ZNF367: variants seen among roughly 807,000 people sequenced by gnomAD.
The protein encoded by ZNF367 is C2H2 zinc finger protein ZFF29.
Under a neutral mutation model 31.8 loss-of-function variants are expected in ZNF367, and 11 were observed. The observed-to-expected ratio is 0.35, with a 90% CI of 0.22 to 0.57. The LOEUF (loss-of-function observed/expected upper bound fraction) is 0.57. Among genes scored for constraint, ZNF367 ranks in the 20% least tolerant of loss-of-function variants. The pLI is 0.85. For synonymous variants in ZNF367, 199 were observed against 202.4 expected (o/e 0.98, Z 0.14); for missense variants, 353 against 484.1 (o/e 0.73, Z 2.54).
Position 96,418,236 on chromosome 9 carries a change from G to A in ZNF367, c.-204C>T, listed in dbSNP as rs1244508727. 2.8e-6 allele frequency: 2 copies of A among 714,658 alleles called. No individual in the cohort carries two copies. Among genetic ancestry groups the A allele is most frequent in the African/African-American group, 3.7e-5 (2 of 54,568 alleles). 44.3% of individuals were successfully genotyped at this position (714,658 alleles called of 1,614,324 possible). ...GGGCTGGACCCCAGCCCCAGGTCAA[G>A]CGCGCCCTCCGCTCTTTGTACTCCG... On this transcript the variant is annotated 5_prime_UTR_variant, in exon 1 of 5. Transcript: ENST00000375256.
chr9:96,417,862 G>T lies in ZNF367; in HGVS notation c.171C>A (p.Ile57=). Residue 57 remains isoleucine, a synonymous_variant, in exon 1 of 5, where the codon ATC becomes ATA. Transcript: ENST00000375256. This position sits in a 1 kb window ranked among gnomAD's most constrained non-coding sequence, Gnocchi z 5.0. ...AGTCGCTGAAGCCGGGGCTGGTGGG[G>T]ATGAGCGGCGGCGGCGGCTCCGGCT... is the stretch of plus-strand genomic sequence containing the variant. ...GGEPEPPPPL[I]PTSPGFSDFM... The T allele has an allele frequency of 6.6e-7, 1 of 1,519,412 alleles. No homozygotes were observed. Among genetic ancestry groups the T allele is most frequent in the Non-Finnish European group, 8.8e-7 (1 of 1,142,236 alleles). 94.1% of individuals were successfully genotyped at this position (1,519,412 alleles called of 1,614,324 possible).
chr9:96,389,768 C>G (rs2131069579), intron 4 of ZNF367, among the ~76,000 whole-genome samples: 1 of 152,110 alleles, frequency 6.6e-6, no homozygotes, highest in Admixed American at 6.6e-5. Flanking sequence ...CTCACTTTGT[C>G]ACCCAGGCTG....
intron 2 of ZNF367, among the ~76,000 whole-genome samples, chr9:96,397,295 G>A (rs574877023): frequency 4.6e-5 from 7 of 151,412 alleles, no homozygotes; most frequent in East Asian, 3.9e-4. Context: ...ACTTTATAGC[G>A]AGAACAAGGG....
chr9:96,391,680 C>T (rs1039166424), intron 4 of ZNF367, among the ~76,000 whole-genome samples: 3 of 152,192 alleles, frequency 2.0e-5, no homozygotes, highest in Non-Finnish European at 2.9e-5. Context: ...TTTATACTGG[C>T]CCCCTTGTTG....
At chr9:96,411,274 G>A (rs1244923415) in intron 1 of ZNF367, among the ~76,000 whole-genome samples, 4 of 151,958 alleles carry the variant, frequency 2.6e-5, no homozygotes, top group African/African-American at 4.8e-5. Flanking sequence ...AAGGCTGGGC[G>A]CCGTGGCTCA....
chr9:96,417,582 TCCCG>T lies in ZNF367; in HGVS notation c.420+27_420+30del, dbSNP rs746476113. 1.2e-3 allele frequency: 495 copies of T among 415,946 alleles called. No homozygotes were observed. Among genetic ancestry groups the T allele is most frequent in the African/African-American group, 2.3e-3 (110 of 47,754 alleles). The allele number at this position is 415,946 out of a possible 1,614,324, so 25.8% of individuals were successfully genotyped here. On this transcript the variant is annotated intron_variant, in intron 1 of 4. Transcript: ENST00000375256. The surrounding 1 kb of genome is among the most constrained non-coding windows in gnomAD (Gnocchi z 5.0). ...GTTAACGGGCCCCGGCTGCCCCACG[TCCCG>T]CCCGCCCGCCCGCCCGCGCCGCTCA...
At chr9:96,404,226 C>T (rs569644843) in intron 1 of ZNF367, among the ~76,000 whole-genome samples, 39 of 148,808 alleles carry the variant, frequency 2.6e-4, no homozygotes, top group African/African-American at 9.3e-4. Context: ...TTTGGGAGGC[C>T]GAGGCGGGCG....
At chr9:96,391,194 G>A (rs1831468490) in intron 4 of ZNF367, among the ~76,000 whole-genome samples, 1 of 152,162 alleles carries the variant, frequency 6.6e-6, no homozygotes, top group South Asian at 2.1e-4. Context: ...AGCTCTGCTA[G>A]GCCCTAGGCT....
intron 2 of ZNF367, among the ~76,000 whole-genome samples, chr9:96,396,749 C>T (rs985814109): frequency 6.6e-6 from 1 of 151,714 alleles, no homozygotes; most frequent in Non-Finnish European, 1.5e-5. Context: ...CTCACCGCAA[C>T]CTCCACCTCC....
At chr9:96,389,709 C>A (rs1831447344) in intron 4 of ZNF367, among the ~76,000 whole-genome samples, 1 of 151,950 alleles carries the variant, frequency 6.6e-6, no homozygotes, top group South Asian at 2.1e-4. Flanking sequence ...TACTTATATA[C>A]CAACAAAGCT....
intron 4 of ZNF367, among the ~76,000 whole-genome samples, chr9:96,389,314 AAAG>A (rs1336461656): frequency 1.3e-5 from 2 of 151,964 alleles, no homozygotes; most frequent in Non-Finnish European, 2.9e-5. Flanking sequence ...AAAAAAAAAA[AAAG>A]AAAAATGCAT....
At chr9:96,400,656 G>A (rs1831591414) in intron 1 of ZNF367, among the ~76,000 whole-genome samples, 2 of 151,830 alleles carry the variant, frequency 1.3e-5, no homozygotes, top group South Asian at 2.1e-4. Flanking sequence ...CTGAAGAACA[G>A]AAAGAAAAAA....
At chr9:96,400,081 G>A (rs1831582903) in intron 1 of ZNF367, among the ~76,000 whole-genome samples, 1 of 152,058 alleles carries the variant, frequency 6.6e-6, no homozygotes, top group Non-Finnish European at 1.5e-5. Flanking sequence ...ATACACAGGA[G>A]AAATTAACAC....
chr9:96,395,026 AG>A, intron 2 of ZNF367, 84 bp from the exon 3 acceptor site: 1 of 1,451,618 alleles, frequency 6.9e-7, no homozygotes, highest in Non-Finnish European at 9.5e-7. Context: ...GCCTTTATAT[AG>A]GTCATGACTC....
chr9:96,406,875 G>A (rs557782791), intron 1 of ZNF367, among the ~76,000 whole-genome samples: 9 of 151,730 alleles, frequency 5.9e-5, no homozygotes, highest in African/African-American at 1.9e-4. Flanking sequence ...GGTGGGGGGC[G>A]CCTGTAGTCC....
intron 3 of ZNF367, among the ~76,000 whole-genome samples, chr9:96,394,303 A>C (rs1409762430): frequency 1.3e-5 from 2 of 152,212 alleles, no homozygotes; most frequent in Non-Finnish European, 2.9e-5. Context: ...GAACTCGTGG[A>C]GATAGACAGT....
chr9:96,415,221 ATTTT>A (rs775576212), intron 1 of ZNF367, among the ~76,000 whole-genome samples: 2 of 128,902 alleles, frequency 1.6e-5, no homozygotes, highest in Admixed American at 7.9e-5. Flanking sequence ...CCCCTGGCCA[ATTTT>A]TTTTTTTTTT....
At chr9:96,414,295 CAT>C (rs1229828939) in intron 1 of ZNF367, among the ~76,000 whole-genome samples, 1 of 152,074 alleles carries the variant, frequency 6.6e-6, no homozygotes, top group East Asian at 1.9e-4. Context: ...AATAGAAAGA[CAT>C]ATTCAAATCA....
intron 1 of ZNF367, among the ~76,000 whole-genome samples, chr9:96,412,263 A>C (rs1292674323): frequency 6.6e-6 from 1 of 152,208 alleles, no homozygotes; most frequent in African/African-American, 2.4e-5. Context: ...TCGCAACACA[A>C]AATTATTAAA....
Sources: gnomAD v4.1 joint callset for allele counts (sites outside exome capture counted in the v4.1 genomes callset) on GRCh38, gnomAD v4.1.1 for gene constraint, Gnocchi (gnomAD v3.1) non-coding constraint, MANE v1.5 for transcripts, NCBI Gene and HGNC (gene_info 2026-07-23, HGNC 2026-07-21) for gene names.